GFRA1: variants seen among roughly 807,000 people sequenced by gnomAD.
GFRA1 encodes the protein GDNF family receptor alpha-1.
Under a neutral mutation model 51.6 loss-of-function variants are expected in GFRA1, and 16 were observed. The observed-to-expected ratio is 0.31, with a 90% confidence interval of 0.21 to 0.47. The LOEUF (loss-of-function observed/expected upper bound fraction) is 0.47. GFRA1 is among the 20% of genes least tolerant of loss of function. The pLI, the probability that GFRA1 is intolerant of heterozygous loss-of-function variation, is 1.00. For missense variants in GFRA1, 530 were observed against 594.3 expected (o/e 0.89, Z 1.13); for synonymous variants, 270 against 241.3 (o/e 1.12, Z -1.10).
intron 6 of GFRA1, among the ~76,000 whole-genome samples, chr10:116,112,503 G>GGTTA (rs1188220955): frequency 1.3e-5 from 2 of 152,298 alleles, no homozygotes; most frequent in East Asian, 3.9e-4. Context: ...AAGCACCAGA[G>GGTTA]GTTGCCCTGT....
intron 5 of GFRA1, among the ~76,000 whole-genome samples, chr10:116,174,290 G>A (rs779646772): frequency 6.6e-6 from 1 of 152,140 alleles, no homozygotes; most frequent in East Asian, 1.9e-4. Flanking sequence ...CTTCAGATAT[G>A]TCTATATTTC....
At chr10:116,259,566 A>G (rs750678341) in intron 4 of GFRA1, among the ~76,000 whole-genome samples, 4 of 152,186 alleles carry the variant, frequency 2.6e-5, no homozygotes, top group Admixed American at 6.5e-5. Context: ...CCCAAATATT[A>G]AAATAATAGG....
chr10:116,198,926 G>A (rs951668107), intron 5 of GFRA1, among the ~76,000 whole-genome samples: 1 of 152,162 alleles, frequency 6.6e-6, no homozygotes, highest in African/African-American at 2.4e-5. Flanking sequence ...AATCCCAAAT[G>A]ACTGGTGTCC....
At chr10:116,217,020 T>A (rs1200049703) in intron 4 of GFRA1, among the ~76,000 whole-genome samples, 1 of 152,182 alleles carries the variant, frequency 6.6e-6, no homozygotes, top group African/African-American at 2.4e-5. Context: ...TCTCTGTGAA[T>A]GCAGTGAATT....
At chr10:116,139,363 T>A (rs1183355614) in intron 5 of GFRA1, among the ~76,000 whole-genome samples, 1 of 152,228 alleles carries the variant, frequency 6.6e-6, no homozygotes, top group Admixed American at 6.5e-5. Context: ...AACTGACATT[T>A]CCACCTAGCT....
At chr10:116,162,070 G>A (rs1462789137) in intron 5 of GFRA1, among the ~76,000 whole-genome samples, 1 of 152,226 alleles carries the variant, frequency 6.6e-6, no homozygotes, top group Non-Finnish European at 1.5e-5. Context: ...CAAGCTTTCT[G>A]AACAACATTC....
At chr10:116,194,550 G>T (rs770790868) in intron 5 of GFRA1, among the ~76,000 whole-genome samples, 8 of 152,182 alleles carry the variant, frequency 5.3e-5, no homozygotes, top group Non-Finnish European at 1.0e-4. Context: ...GTTTCTGAAT[G>T]ATTAAGTATT....
At chr10:116,104,981 C>T (rs951131953) in intron 6 of GFRA1, among the ~76,000 whole-genome samples, 4 of 152,148 alleles carry the variant, frequency 2.6e-5, no homozygotes, top group African/African-American at 9.7e-5. Flanking sequence ...GTAATGGGAG[C>T]ACAGAAAGAT....
In GFRA1 at chr10:116,107,889, G is replaced by A. The variant is rs185422954; in HGVS notation, c.771-11125C>T. Among the ~76,000 whole-genome samples the A allele has an allele frequency of 1.4e-3, 213 of 152,246 alleles. 1 individual carries two copies. Among genetic ancestry groups the A allele is most frequent in the African/African-American group, 5.1e-3 (210 of 41,548 alleles). On this transcript the variant is annotated intron_variant, in intron 6 of 10. Transcript: ENST00000355422. Reference sequence around the variant, plus strand: ...TCCCAGAATATGCAGAATTAAAATGGCATGGGTTCTCTTGACTTTAATAAT... The same window carrying A: ...TCCCAGAATATGCAGAATTAAAATGACATGGGTTCTCTTGACTTTAATAAT...
intron 9 of GFRA1, among the ~76,000 whole-genome samples, 187 bp downstream of exon 9, chr10:116,089,554 G>A (rs976747676): frequency 1.3e-5 from 2 of 152,080 alleles, no homozygotes; most frequent in Admixed American, 6.5e-5. Context: ...TTCCATAGTC[G>A]GACTTTCTCT....
intron 4 of GFRA1, among the ~76,000 whole-genome samples, chr10:116,219,814 T>A (rs1432863723): frequency 6.6e-6 from 1 of 152,200 alleles, no homozygotes; most frequent in Non-Finnish European, 1.5e-5. Flanking sequence ...ACACTACTAC[T>A]GGTAAAATAC....
intron 9 of GFRA1, among the ~76,000 whole-genome samples, chr10:116,073,313 T>G (rs1565554432): frequency 6.6e-6 from 1 of 152,182 alleles, no homozygotes; most frequent in Non-Finnish European, 1.5e-5. Flanking sequence ...ACTTCTTCTT[T>G]TCATACCTTC....
In GFRA1 at chr10:116,251,175, A is replaced by G. The variant is rs192029016; in HGVS notation, c.418+18328T>C. ...ATTCATATGCCTCCTGTACTAGACT[A>G]TAAGTTTCGTGAGTTCATCCTGTCC... On this transcript the variant is annotated intron_variant, in intron 4 of 10. Transcript: ENST00000355422. Among the ~76,000 whole-genome samples, 654 of 152,330 alleles carry G rather than the reference A, an allele frequency of 4.3e-3. 4 individuals are homozygous for G. Among genetic ancestry groups the G allele is most frequent in the Non-Finnish European group, 5.3e-3 (362 of 68,036 alleles).
chr10:116,247,082 G>C (rs1967926549), intron 4 of GFRA1, among the ~76,000 whole-genome samples: 1 of 152,166 alleles, frequency 6.6e-6, no homozygotes, highest in Non-Finnish European at 1.5e-5. Context: ...GTCCAAAATG[G>C]AACTCTAAGT....
intron 4 of GFRA1, among the ~76,000 whole-genome samples, chr10:116,240,054 C>G (rs1457794966): frequency 6.6e-6 from 1 of 152,080 alleles, no homozygotes; most frequent in Non-Finnish European, 1.5e-5. Context: ...TCGTCGATTT[C>G]TCTATGATGT....
chr10:116,151,596 A>G (rs1959066223), intron 5 of GFRA1, among the ~76,000 whole-genome samples: 1 of 152,150 alleles, frequency 6.6e-6, no homozygotes, highest in Non-Finnish European at 1.5e-5. Flanking sequence ...TGTAAGCTCC[A>G]ATGGGAAAAT....
chr10:116,183,340 A>G (rs922495086), intron 5 of GFRA1, among the ~76,000 whole-genome samples: 5 of 152,188 alleles, frequency 3.3e-5, no homozygotes, highest in African/African-American at 7.2e-5. Flanking sequence ...CTAACAGCCT[A>G]TCCTCACTGA....
At chr10:116,218,991 T>C (rs181656733) in intron 4 of GFRA1, among the ~76,000 whole-genome samples, 1 of 152,186 alleles carries the variant, frequency 6.6e-6, no homozygotes, top group African/African-American at 2.4e-5. Context: ...AAATGTCTTT[T>C]ATTTGTGGAT....
chr10:116,202,919 G>A (rs1964452121), intron 5 of GFRA1, among the ~76,000 whole-genome samples: 2 of 152,216 alleles, frequency 1.3e-5, no homozygotes, highest in South Asian at 2.1e-4. Flanking sequence ...GCTGAAAAGA[G>A]GTAAAAGAAC....
Sources: gnomAD v4.1 joint callset for allele counts (sites outside exome capture counted in the v4.1 genomes callset) on GRCh38, gnomAD v4.1.1 for gene constraint, MANE v1.5 for transcripts, NCBI Gene and HGNC (gene_info 2026-07-23, HGNC 2026-07-21) for gene names.